The following SORCS2 variants were observed in gnomAD, a reference collection of about 807,000 sequenced individuals.
SORCS2 encodes VPS10 domain-containing receptor SorCS2.
In SORCS2, 100 loss-of-function variants were observed where a neutral mutation model predicts 141.6. That is an observed-to-expected ratio of 0.71 (90% CI 0.60 to 0.83). The LOEUF (loss-of-function observed/expected upper bound fraction) is 0.83, where lower values mean the gene tolerates loss of function less well. Among genes scored for constraint, SORCS2 ranks in the 40% least tolerant of loss-of-function variants. SORCS2 has a pLI of 0.00. For synonymous variants in SORCS2, 789 were observed against 676.9 expected, an observed-to-expected ratio of 1.17 and a Z score of -2.57; for missense variants, 1,646 against 1,560.2, an observed-to-expected ratio of 1.05 and a Z score of -0.93.
At chr4:7,620,401 C>T (rs543826033) in intron 3 of SORCS2, among the ~76,000 whole-genome samples, 17 of 152,336 alleles carry the variant, frequency 1.1e-4, no homozygotes, top group East Asian at 9.7e-4. Flanking sequence ...CTGCAGCCCA[C>T]GCTGTGGAGT....
At chr4:7,543,939 C>CCAT (rs1713012589) in intron 3 of SORCS2, among the ~76,000 whole-genome samples, 8 of 16,888 alleles carry the variant, frequency 4.7e-4, no homozygotes, top group African/African-American at 9.3e-4. Flanking sequence ...CACCCATCCA[C>CCAT]CCATCCATCC....
At chr4:7,295,578 T>G (rs1716991981) in intron 1 of SORCS2, among the ~76,000 whole-genome samples, 1 of 152,062 alleles carries the variant, frequency 6.6e-6, no homozygotes, top group South Asian at 2.1e-4. Flanking sequence ...GAAGCGCTGG[T>G]GGGGGCTGGA....
chr4:7,658,632 A>G (rs111711300), intron 5 of SORCS2, among the ~76,000 whole-genome samples: 2,524 of 152,312 alleles, frequency 0.017, 77 homozygotes, highest in African/African-American at 0.057. Context: ...TCAATAGACT[A>G]CAGGGGAGTC....
At chr4:7,672,833 C>A (rs1168056663) in intron 8 of SORCS2, among the ~76,000 whole-genome samples, 2 of 152,152 alleles carry the variant, frequency 1.3e-5, no homozygotes, top group African/African-American at 2.4e-5. Flanking sequence ...TAAAATCTAG[C>A]CAGTGAGATG....
rs536177467 is a variant in SORCS2 at position 7,484,010 on chromosome 4, C to A, written c.549-47520C>A. Among the ~76,000 whole-genome samples, 4 of 152,344 alleles carry A rather than the reference C, an allele frequency of 2.6e-5. No homozygotes were observed. The East Asian group carries it at 7.7e-4, about 29-fold the overall frequency. ...TGCACGTCTTCAAAGCCCAGGCTCT[C>A]CTGTATCTACAGATGTTATTTTCTG... On this transcript the variant is annotated intron_variant, in intron 2 of 26. Coordinates refer to ENST00000507866, the MANE Select transcript of SORCS2 (RefSeq NM_020777.3).
chr4:7,543,689 C>A, intron 3 of SORCS2, among the ~76,000 whole-genome samples: 1 of 88,280 alleles, frequency 1.1e-5, no homozygotes, highest in Non-Finnish European at 2.6e-5. Flanking sequence ...CCCATCCACC[C>A]ATCCACCCAT....
At chr4:7,304,310 C>G (rs979564630) in intron 1 of SORCS2, among the ~76,000 whole-genome samples, 1 of 152,148 alleles carries the variant, frequency 6.6e-6, no homozygotes, top group Non-Finnish European at 1.5e-5. Context: ...TCATTAGCGA[C>G]GGGGGCAGGT....
intron 1 of SORCS2, among the ~76,000 whole-genome samples, chr4:7,361,511 G>A (rs988744206): frequency 2.6e-5 from 4 of 152,106 alleles, no homozygotes; most frequent in African/African-American, 2.4e-5. Flanking sequence ...ACGCTGGGCC[G>A]CCTGACATGG....
intron 1 of SORCS2, among the ~76,000 whole-genome samples, chr4:7,240,481 A>C (rs970133340): frequency 1.3e-5 from 2 of 152,116 alleles, no homozygotes; most frequent in South Asian, 2.1e-4. Context: ...GAGTGATGAT[A>C]ATTAGAAGTG....
At chr4:7,459,851 C>A (rs560667264) in intron 2 of SORCS2, among the ~76,000 whole-genome samples, 1 of 152,330 alleles carries the variant, frequency 6.6e-6, no homozygotes, top group South Asian at 2.1e-4. Flanking sequence ...GGGCCATCCA[C>A]TTTGGGGAGA....
chr4:7,426,113 G>A (rs1726415881), intron 2 of SORCS2, among the ~76,000 whole-genome samples: 1 of 152,202 alleles, frequency 6.6e-6, no homozygotes, highest in South Asian at 2.1e-4. Flanking sequence ...ATGTCCTCCC[G>A]AAACAGATGC....
At position 7,353,250 on chromosome 4, in the gene SORCS2, G is replaced by A. The variant is rs189890439; in HGVS notation, c.481-43038G>A. Among the ~76,000 whole-genome samples the A allele has an allele frequency of 5.7e-3, 866 of 152,326 alleles. 7 individuals are homozygous for A. The highest frequency in any genetic ancestry group is 0.019 in the African/African-American group (808 of 41,570). On this transcript the variant is annotated intron_variant, in intron 1 of 26. Coordinates refer to ENST00000507866, the MANE Select transcript of SORCS2 (RefSeq NM_020777.3). ...AAGCACTGGCTAAGGCAAAAAAGTG[G>A]GGGTGTCTCATGGCAGGTCCCCAGG...
At chr4:7,737,806 T>C (rs900458403) in intron 26 of SORCS2, among the ~76,000 whole-genome samples, 4 of 152,214 alleles carry the variant, frequency 2.6e-5, no homozygotes, top group African/African-American at 9.6e-5. Context: ...GGCTGCTCGC[T>C]GTCAGGGTCT....
intron 9 of SORCS2, among the ~76,000 whole-genome samples, chr4:7,682,225 T>C (rs1366365146): frequency 6.6e-6 from 1 of 152,188 alleles, no homozygotes; most frequent in Non-Finnish European, 1.5e-5. Flanking sequence ...CCGGGTGTTC[T>C]AGGGTAAGCA....
rs145722247 is a variant in SORCS2 at position 7,242,411 on chromosome 4, C to T, written c.480+49285C>T. On this transcript the variant is annotated intron_variant, in intron 1 of 26. Transcript: ENST00000507866. ...TAGAGTTGGGGTCTCACTATGTTGCCCAGGCTGGTCTCAAACTCCTAGGCT... is the reference window on the plus strand; with the variant it reads ...TAGAGTTGGGGTCTCACTATGTTGCTCAGGCTGGTCTCAAACTCCTAGGCT... Among the ~76,000 whole-genome samples the T allele has an allele frequency of 8.7e-4, 132 of 151,856 alleles. No individual in the cohort carries two copies. The East Asian group carries it at 0.024, about 28-fold the overall frequency.
At chr4:7,542,957 C>T (rs1712799289) in intron 3 of SORCS2, among the ~76,000 whole-genome samples, 1 of 152,222 alleles carries the variant, frequency 6.6e-6, no homozygotes, top group Non-Finnish European at 1.5e-5. Context: ...GGCCCAGTGA[C>T]CCACAGGGCC....
intron 3 of SORCS2, among the ~76,000 whole-genome samples, chr4:7,567,401 T>C (rs958584134): frequency 4.3e-5 from 6 of 140,938 alleles, no homozygotes; most frequent in African/African-American, 1.7e-4. Context: ...TTCCCTTGTT[T>C]GTGATAACTT....
At chr4:7,344,540 C>A (rs1002258731) in intron 1 of SORCS2, among the ~76,000 whole-genome samples, 2 of 152,228 alleles carry the variant, frequency 1.3e-5, no homozygotes, top group African/African-American at 4.8e-5. Flanking sequence ...AATGTGCCCC[C>A]ATCAGGGGCT....
At chr4:7,208,966 C>G (rs1459657732) in intron 1 of SORCS2, among the ~76,000 whole-genome samples, 1 of 152,220 alleles carries the variant, frequency 6.6e-6, no homozygotes, top group East Asian at 1.9e-4. Context: ...CCTGGCCTGC[C>G]TCAGGGGGCC....
Sources: gnomAD v4.1 joint callset for allele counts (sites outside exome capture counted in the v4.1 genomes callset) on GRCh38, gnomAD v4.1.1 for gene constraint, MANE v1.5 for transcripts, NCBI Gene and HGNC (gene_info 2026-07-23, HGNC 2026-07-21) for gene names.